The following NRXN1 variants were observed in gnomAD, a reference collection of about 807,000 sequenced individuals.
NRXN1 encodes neurexin-1.
Under a neutral mutation model 150.9 loss-of-function variants are expected in NRXN1, and 39 were observed. That is an observed-to-expected ratio of 0.26 (90% CI 0.20 to 0.34). The LOEUF is 0.34. Ranked by LOEUF, NRXN1 falls within the 10% of genes least tolerant of loss-of-function variation. NRXN1 has a pLI of 1.00. For missense variants in NRXN1, 1,815 were observed against 1,949.9 expected, an observed-to-expected ratio of 0.93 and a Z score of 1.30; for synonymous variants, 924 against 757.0, an observed-to-expected ratio of 1.22 and a Z score of -3.62.
chr2:50,056,756 T>G (rs1693702166), intron 19 of NRXN1, among the ~76,000 whole-genome samples: 1 of 152,146 alleles, frequency 6.6e-6, no homozygotes, highest in African/African-American at 2.4e-5. Context: ...GGCTTATAAG[T>G]GATTTTATAT....
chr2:50,641,676 T>A (rs1684099193), intron 5 of NRXN1, among the ~76,000 whole-genome samples: 1 of 152,094 alleles, frequency 6.6e-6, no homozygotes, highest in Non-Finnish European at 1.5e-5. Context: ...AAAGCGGTTT[T>A]GAGGTATTCT....
chr2:50,508,661 TA>T (rs2105018267), intron 12 of NRXN1, among the ~76,000 whole-genome samples: 1 of 152,262 alleles, frequency 6.6e-6, no homozygotes, highest in South Asian at 2.1e-4. Flanking sequence ...GAAGCATACA[TA>T]AGGGTGATAT....
At chr2:50,991,834 A>T (rs1698588996) in intron 2 of NRXN1, among the ~76,000 whole-genome samples, 1 of 152,046 alleles carries the variant, frequency 6.6e-6, no homozygotes, top group Non-Finnish European at 1.5e-5. Flanking sequence ...TTTTATTGTT[A>T]ACTCCATTCT....
At chr2:50,755,264 TTCTCAATTAAGTCAGTAACC>T (rs1559215225) in intron 5 of NRXN1, among the ~76,000 whole-genome samples, 1 of 151,960 alleles carries the variant, frequency 6.6e-6, no homozygotes, top group East Asian at 1.9e-4. Context: ...AATTGTGTGA[TTCTCAATTAAGTCAGTAACC>T]TCTCAGAGTC....
intron 17 of NRXN1, among the ~76,000 whole-genome samples, chr2:50,267,213 G>C (rs1245209765): frequency 6.6e-6 from 1 of 152,178 alleles, no homozygotes; most frequent in Admixed American, 6.5e-5. Flanking sequence ...ATACAAGCTA[G>C]TCCCATTTCT....
intron 5 of NRXN1, among the ~76,000 whole-genome samples, chr2:50,691,799 A>G (rs562199595): frequency 6.6e-6 from 1 of 152,112 alleles, no homozygotes; most frequent in East Asian, 1.9e-4. Flanking sequence ...GGATGCTTCC[A>G]TAGAAAATCT....
chr2:50,446,543 C>T (rs1355436719), intron 17 of NRXN1, among the ~76,000 whole-genome samples: 1 of 137,652 alleles, frequency 7.3e-6, no homozygotes, highest in Non-Finnish European at 1.6e-5. Flanking sequence ...CCTTCCCTCC[C>T]TTCCTTCCCT....
At chr2:50,161,038 AG>A (rs2059334041) in intron 18 of NRXN1, among the ~76,000 whole-genome samples, 1 of 152,132 alleles carries the variant, frequency 6.6e-6, no homozygotes, top group South Asian at 2.1e-4. Flanking sequence ...ACAGCATTTT[AG>A]GGGAACAATT....
intron 17 of NRXN1, among the ~76,000 whole-genome samples, chr2:50,442,903 T>A (rs1433477412): frequency 6.6e-6 from 1 of 152,140 alleles, no homozygotes; most frequent in East Asian, 1.9e-4. Flanking sequence ...GATGATTAGA[T>A]AATGAGTAGG....
chr2:50,677,252 T>A (rs1689687196), intron 5 of NRXN1, among the ~76,000 whole-genome samples: 1 of 152,066 alleles, frequency 6.6e-6, no homozygotes, highest in Non-Finnish European at 1.5e-5. Context: ...CTGTGAAGAG[T>A]CTCTGGTCAG....
At chr2:50,241,953 C>T (rs1410594807) in intron 17 of NRXN1, among the ~76,000 whole-genome samples, 1 of 151,748 alleles carries the variant, frequency 6.6e-6, no homozygotes, top group African/African-American at 2.4e-5. Flanking sequence ...ATCCTTGCTA[C>T]ATGAACAATA....
Position 49,921,941 on chromosome 2 carries a change from G to C in NRXN1, c.*3C>G. 1 of 1,613,534 alleles carries C rather than the reference G, an allele frequency of 6.2e-7. No individual in the cohort carries two copies. ...ATACAAGTGTCCATTTAAGATCTTG[G>C]GATCAGACATAATACTCTTTATCCT... On this transcript the variant is annotated 3_prime_UTR_variant, in exon 23 of 23. Coordinates refer to ENST00000401669, the MANE Select transcript of NRXN1 (RefSeq NM_001330078.2).
At chr2:50,436,123 T>A (rs2085401864) in intron 17 of NRXN1, among the ~76,000 whole-genome samples, 1 of 152,158 alleles carries the variant, frequency 6.6e-6, no homozygotes, top group African/African-American at 2.4e-5. Flanking sequence ...CTATTGTTCT[T>A]CCTGGTAACC....
chr2:50,435,679 T>A (rs1214724669), intron 17 of NRXN1, among the ~76,000 whole-genome samples: 1 of 152,162 alleles, frequency 6.6e-6, no homozygotes, highest in Non-Finnish European at 1.5e-5. Flanking sequence ...ATTGCTGGGT[T>A]GAATGATAAT....
chr2:50,329,609 GTGTGTGTGTATATATATATATATA>G (rs2076636021), intron 17 of NRXN1, among the ~76,000 whole-genome samples: 1 of 24,776 alleles, frequency 4.0e-5, no homozygotes, highest in African/African-American at 1.7e-4. Flanking sequence ...GTGTGTGTGT[GTGTGTGTGTATATATATATATATA>G]TATATATATA....
intron 19 of NRXN1, among the ~76,000 whole-genome samples, chr2:50,062,314 C>T (rs1053798303): frequency 6.6e-6 from 1 of 151,874 alleles, no homozygotes; most frequent in South Asian, 2.1e-4. Flanking sequence ...AAAGAGGCTC[C>T]AGAAAACTCC....
chr2:50,357,138 A>T (rs2078873295), intron 17 of NRXN1, among the ~76,000 whole-genome samples: 1 of 152,032 alleles, frequency 6.6e-6, no homozygotes, highest in African/African-American at 2.4e-5. Context: ...AATTTTGTAG[A>T]GGCATGGTGG....
At chr2:51,027,365 C>G in intron 2 of NRXN1, 137 bp downstream of exon 2, 1 of 882,940 alleles carries the variant, frequency 1.1e-6, no homozygotes, top group Non-Finnish European at 1.6e-6. Context: ...GAGAGTCCCC[C>G]AGAAACAAGG....
chr2:50,516,883 G>A (rs987080178), intron 12 of NRXN1, among the ~76,000 whole-genome samples: 1 of 152,088 alleles, frequency 6.6e-6, no homozygotes, highest in Non-Finnish European at 1.5e-5. Context: ...CAGACATTCA[G>A]CTTGATGTTT....
Sources: allele counts gnomAD v4.1 joint callset (sites outside exome capture counted in the v4.1 genomes callset), GRCh38; gene constraint gnomAD v4.1.1; transcripts MANE v1.5; gene names NCBI Gene and HGNC (gene_info 2026-07-23, HGNC 2026-07-21).